The following RAB5B variants were observed in gnomAD, a reference collection of about 807,000 sequenced individuals.
The protein encoded by RAB5B is ras-related protein Rab-5B.
A neutral mutation model predicts 28.6 loss-of-function variants in RAB5B; 11 were observed. The ratio of observed to expected loss-of-function variants is 0.38; its 90% CI spans 0.24 to 0.64. The LOEUF is 0.64. Ranked by LOEUF, RAB5B falls within the 30% of genes least tolerant of loss-of-function variation. The probability of loss-of-function intolerance (pLI) is 0.53; values close to 1 mark genes in which losing one functional copy is unlikely to be tolerated. For synonymous variants in RAB5B, 93 were observed against 97.9 expected (o/e 0.95, Z 0.29); for missense variants, 169 against 265.6 (o/e 0.64, Z 2.53).
At chr12:55,976,392 C>G (rs957973703) in intron 1 of RAB5B, among the ~76,000 whole-genome samples, 1 of 152,114 alleles carries the variant, frequency 6.6e-6, no homozygotes, top group Non-Finnish European at 1.5e-5. Flanking sequence ...TGTTATTCAC[C>G]TTGAGTACAC....
At position 55,996,003 on chromosome 12, in the gene RAB5B, A is replaced by ATATATATATTTTTTTTTTTTTTTTT; in HGVS notation, c.*3792_*3793insATATATATTTTTTTTTTTTTTTTTT. Reference sequence around the variant, plus strand: ...TATATACATATATATATATATATATATTTTTTTTTTAACAACTGGTAGGAT... The same window carrying ATATATATATTTTTTTTTTTTTTTTT: ...TATATACATATATATATATATATATATATATATATTTTTTTTTTTTTTTTTTTTTTTTTTTAACAACTGGTAGGAT... On this transcript the variant is annotated 3_prime_UTR_variant, in exon 6 of 6. Transcript: ENST00000360299. 1.0e-5 allele frequency: 1 copy of ATATATATATTTTTTTTTTTTTTTTT among 97,406 alleles called. No homozygotes were observed. The highest frequency in any genetic ancestry group is 4.7e-5 in the African/African-American group (1 of 21,148). 6.0% of individuals were successfully genotyped at this position (97,406 alleles called of 1,614,324 possible). A position where few individuals can be genotyped will look rare whatever the true frequency, so the allele number is the denominator to read the frequency against.
At chr12:55,984,445 C>T (rs925449062) in intron 1 of RAB5B, among the ~76,000 whole-genome samples, 29 of 152,062 alleles carry the variant, frequency 1.9e-4, no homozygotes, top group Admixed American at 1.9e-3. Context: ...GCCTTTGCCT[C>T]CCAAAGTGCT....
intron 1 of RAB5B, among the ~76,000 whole-genome samples, chr12:55,976,037 A>C (rs1265669701): frequency 2.6e-5 from 4 of 152,146 alleles, no homozygotes; most frequent in Non-Finnish European, 5.9e-5. Context: ...GGCGTGAGCC[A>C]CCACACCCGG....
chr12:55,976,601 C>G (rs528736610), intron 1 of RAB5B, among the ~76,000 whole-genome samples: 1 of 152,348 alleles, frequency 6.6e-6, no homozygotes, highest in East Asian at 1.9e-4. Flanking sequence ...CATTACTTGA[C>G]TATCCCTTTC....
At chr12:55,976,953 T>C (rs1889662143) in intron 1 of RAB5B, among the ~76,000 whole-genome samples, 1 of 152,184 alleles carries the variant, frequency 6.6e-6, no homozygotes, top group Non-Finnish European at 1.5e-5. Flanking sequence ...TGCAAGCCAG[T>C]CCTAGAGACA....
chr12:55,984,943 T>C (rs1187171639), intron 1 of RAB5B, among the ~76,000 whole-genome samples: 2 of 152,202 alleles, frequency 1.3e-5, no homozygotes, highest in Non-Finnish European at 2.9e-5. Flanking sequence ...GTAGAGAAAT[T>C]CTCTTTATAT....
intron 2 of RAB5B, among the ~76,000 whole-genome samples, chr12:55,988,935 C>CTTTTTTTTTTT (rs35994383): frequency 2.9e-4 from 27 of 94,672 alleles, no homozygotes; most frequent in Non-Finnish European, 3.9e-4. Flanking sequence ...CTAATTAATT[C>CTTTTTTTTTTT]TTTTTTTTTT....
At position 55,987,026 on chromosome 12, in the gene RAB5B, A is replaced by G. The variant is rs1269768333; in HGVS notation, c.66A>G (p.Lys22=). ...QPQASKICQF[K]LVLLGESAVG... is the part of the protein sequence containing the mutation. The stretch of plus-strand genomic sequence containing the variant: ...AGGCCAGCAAAATTTGCCAGTTCAA[A>G]TTGGTCCTGCTGGGAGAATCTGCAG... The change falls in exon 2 of 6, where the codon AAA becomes AAG. Residue 22 remains lysine (K), a synonymous_variant. Transcript: ENST00000360299. The G allele has an allele frequency of 6.2e-7, 1 of 1,613,820 alleles. No individual in the cohort carries two copies.
intron 1 of RAB5B, chr12:55,981,086 G>A: frequency 6.6e-7 from 1 of 1,509,628 alleles, no homozygotes; most frequent in East Asian, 2.3e-5. Context: ...TTATTTTTGA[G>A]ACGGAATCGC....
At position 55,981,131 on chromosome 12, in the gene RAB5B, T is replaced by G. The variant is rs981329149; in HGVS notation, c.-92-5738T>G. On this transcript the variant is annotated intron_variant, in intron 1 of 5. Transcript: ENST00000360299. ...CAGGCTGGAGTGCAGTCGTGTGATC[T>G]CGGCTCACTGCTACCTCTGCCTCCC... 1.2e-4 allele frequency: 124 copies of G among 1,033,026 alleles called. No individual in the cohort carries two copies. The African/African-American group carries it at 1.7e-3, about 15-fold the overall frequency. 64.0% of individuals were successfully genotyped at this position (1,033,026 alleles called of 1,614,324 possible). A position where few individuals can be genotyped will look rare whatever the true frequency, so the allele number is the denominator to read the frequency against.
chr12:55,991,491 C>T (rs1434120367), intron 5 of RAB5B, 38 bp downstream of exon 5: 7 of 1,531,160 alleles, frequency 4.6e-6, no homozygotes, highest in South Asian at 1.1e-5. Context: ...CTTTTTCCCT[C>T]GTTTATAGGC....
intron 1 of RAB5B, among the ~76,000 whole-genome samples, chr12:55,986,335 T>A (rs2048036): frequency 0.24 from 35,983 of 152,000 alleles, 5,076 homozygotes; most frequent in Non-Finnish European, 0.32. Flanking sequence ...TAATCCCAGC[T>A]ACTCGGGAGA....
chr12:55,996,003 A>ATATATTTTTTTT lies in RAB5B; in HGVS notation c.*3792_*3793insATATTTTTTTTT. 1.2e-3 allele frequency: 114 copies of ATATATTTTTTTT among 97,354 alleles called. No individual in the cohort carries two copies. The highest frequency in any genetic ancestry group is 1.7e-3 in the Non-Finnish European group (84 of 50,456). The allele number at this position is 97,354 out of a possible 1,614,324, so 6.0% of individuals were successfully genotyped here. ...TATATACATATATATATATATATAT[A>ATATATTTTTTTT]TTTTTTTTTTAACAACTGGTAGGAT... is the stretch of plus-strand genomic sequence containing the variant. On this transcript the variant is annotated 3_prime_UTR_variant, in exon 6 of 6. Transcript: ENST00000360299.
At chr12:55,980,471 T>TCAGTA in intron 1 of RAB5B, 1 of 1,592,512 alleles carries the variant, frequency 6.3e-7, no homozygotes, top group Non-Finnish European at 8.6e-7. Context: ...AGTTTTCAGG[T>TCAGTA]CAGTACTGGG....
chr12:55,985,269 A>C (rs1260835590), intron 1 of RAB5B, among the ~76,000 whole-genome samples: 1 of 152,178 alleles, frequency 6.6e-6, no homozygotes, highest in Non-Finnish European at 1.5e-5. Context: ...AAGTGGGGTT[A>C]CTGAAAATTT....
At position 55,978,218 on chromosome 12, in the gene RAB5B, G is replaced by A. The variant is rs919856058; in HGVS notation, c.-93+4079G>A. Among the ~76,000 whole-genome samples the A allele has an allele frequency of 2.0e-5, 3 of 152,218 alleles. 1 individual carries two copies. The highest frequency in any genetic ancestry group is 7.2e-5 in the African/African-American group (3 of 41,460). Reference sequence around the variant, plus strand: ...GCCTATTAAAAATATTCCCAAATGGGGCCGTGTGCGGTGGCATGCGCCTGT... The same window carrying A: ...GCCTATTAAAAATATTCCCAAATGGAGCCGTGTGCGGTGGCATGCGCCTGT... On this transcript the variant is annotated intron_variant, in intron 1 of 5. Coordinates refer to ENST00000360299, the MANE Select transcript of RAB5B (RefSeq NM_002868.4).
intron 5 of RAB5B, 67 bp from the exon 6 acceptor site, chr12:55,992,030 G>C (rs758068762): frequency 2.5e-6 from 3 of 1,201,346 alleles, no homozygotes; most frequent in Non-Finnish European, 2.4e-6. Flanking sequence ...CGTTTTTGGC[G>C]GGTGGAGGCA....
intron 1 of RAB5B, among the ~76,000 whole-genome samples, chr12:55,978,774 C>CT (rs35830890): frequency 1.2e-3 from 165 of 136,540 alleles, no homozygotes; most frequent in East Asian, 4.2e-3. Flanking sequence ...GAAATACAGT[C>CT]TTTTTTTTTT....
chr12:55,974,720 A>C (rs1889597393), intron 1 of RAB5B, among the ~76,000 whole-genome samples: 1 of 152,134 alleles, frequency 6.6e-6, no homozygotes, highest in Non-Finnish European at 1.5e-5. Context: ...GAAAATGAAG[A>C]AGGCTGTATT....
Sources: gnomAD v4.1 joint callset for allele counts (sites outside exome capture counted in the v4.1 genomes callset) on GRCh38, gnomAD v4.1.1 for gene constraint, MANE v1.5 for transcripts, NCBI Gene and HGNC (gene_info 2026-07-23, HGNC 2026-07-21) for gene names.